Variants in TSBP1 observed in about 807,000 individuals in gnomAD.
TSBP1 encodes testis-expressed basic protein 1.
In TSBP1, 56 loss-of-function variants were observed where a neutral mutation model predicts 68.8. That is an observed-to-expected ratio of 0.81 (90% CI 0.66 to 1.02). TSBP1 has a LOEUF of 1.02. TSBP1 is among the 50% of genes least tolerant of loss of function. The pLI is 0.00. For missense variants in TSBP1, 502 were observed against 641.2 expected (o/e 0.78, Z 2.34); for synonymous variants, 171 against 208.7 (o/e 0.82, Z 1.56).
At position 32,330,053 on chromosome 6, in the gene TSBP1, C is replaced by T. The variant is rs143668433; in HGVS notation, c.514+536G>A. On this transcript the variant is annotated intron_variant, in intron 16 of 22. Transcript: ENST00000612031. The stretch of plus-strand genomic sequence containing the variant: ...TCGTGCGTGTGTGTGCGCGCGCGCA[C>T]GTGTGTTGGGGATGTTTGGAGATAG... 4.0e-3 allele frequency among the ~76,000 whole-genome samples: 609 copies of T among 152,012 alleles called. 3 individuals carry two copies. The highest frequency in any genetic ancestry group is 0.013 in the African/African-American group (556 of 41,446).
chr6:32,297,905 A>G (rs7739069), intron 22 of TSBP1, among the ~76,000 whole-genome samples: 38,018 of 152,080 alleles, frequency 0.25, 5,125 homozygotes, highest in African/African-American at 0.33. Flanking sequence ...TTTTTTAAAA[A>G]AAATAGAAAA....
intron 6 of TSBP1, among the ~76,000 whole-genome samples, chr6:32,363,715 TTA>T (rs1428336724): frequency 1.3e-5 from 2 of 152,062 alleles, no homozygotes; most frequent in African/African-American, 4.8e-5. Context: ...CATTAACAAA[TTA>T]TATACTTTTA....
intron 9 of TSBP1, among the ~76,000 whole-genome samples, chr6:32,349,253 C>A (rs953372131): frequency 3.9e-4 from 59 of 150,112 alleles, no homozygotes; most frequent in African/African-American, 1.4e-3. Context: ...ACCAGGAACG[C>A]CTGGGAGCAC....
Position 32,357,246 on chromosome 6 carries a change from T to C in TSBP1, c.218-1577A>G, listed in dbSNP as rs1772454869. On this transcript the variant is annotated intron_variant, in intron 6 of 22. Transcript: ENST00000612031. The surrounding 1 kb of genome is among the most constrained non-coding windows in gnomAD (Gnocchi z 4.7). ...TAAAATGTTTACTGATTCAAGTTTT[T>C]CCTTAAGAATGCAAGGGAGCCCAGA... Among the ~76,000 whole-genome samples the C allele has an allele frequency of 6.6e-6, 1 of 152,208 alleles. No individual in the cohort carries two copies. The highest frequency in any genetic ancestry group is 1.5e-5 in the Non-Finnish European group (1 of 68,038).
chr6:32,368,588 TC>T (rs1368016660), intron 3 of TSBP1, among the ~76,000 whole-genome samples, 193 bp downstream of exon 3: 1 of 152,072 alleles, frequency 6.6e-6, no homozygotes, highest in Non-Finnish European at 1.5e-5. Context: ...TCTCCCCAAC[TC>T]CAGTTTGGCA....
rs1303976838 is a variant in TSBP1 at position 32,316,900 on chromosome 6, C to T, written c.560-1108G>A. Among the ~76,000 whole-genome samples, 3 of 152,042 alleles carry T rather than the reference C, an allele frequency of 2.0e-5. No homozygotes were observed. Among genetic ancestry groups the T allele is most frequent in the Non-Finnish European group, 4.4e-5 (3 of 68,020 alleles). On this transcript the variant is annotated intron_variant, in intron 18 of 22. Transcript: ENST00000612031. This position sits in a 1 kb window ranked among gnomAD's most constrained non-coding sequence, Gnocchi z 4.5. The stretch of plus-strand genomic sequence containing the variant: ...GATCACGAGGTCAGGAGATCAAGAC[C>T]ATCCTGGCGAACACTGTGATGTTCT...
intron 4 of TSBP1, chr6:32,366,530 G>A (rs1350951220): frequency 3.6e-5 from 18 of 502,062 alleles, no homozygotes; most frequent in East Asian, 1.5e-4. Flanking sequence ...TTGGGAGGCC[G>A]AGGCGGGTGG....
At chr6:32,313,048 T>C (rs1766568712) in intron 19 of TSBP1, among the ~76,000 whole-genome samples, 1 of 152,230 alleles carries the variant, frequency 6.6e-6, no homozygotes, top group Non-Finnish European at 1.5e-5. Flanking sequence ...TATTAAGGAC[T>C]GCAGGGCCCG....
intron 8 of TSBP1, among the ~76,000 whole-genome samples, chr6:32,353,533 CTA>C (rs1338461064): frequency 6.6e-6 from 1 of 151,762 alleles, no homozygotes; most frequent in Admixed American, 6.6e-5. Flanking sequence ...CAATGAAATC[CTA>C]ATATGACTCA....
At chr6:32,331,076 G>T (rs1768961787) in intron 15 of TSBP1, among the ~76,000 whole-genome samples, 1 of 152,216 alleles carries the variant, frequency 6.6e-6, no homozygotes, top group Non-Finnish European at 1.5e-5. Flanking sequence ...CACTGCTGCT[G>T]TACTCTAGCC....
chr6:32,354,098 G>A (rs1048586316), intron 8 of TSBP1, among the ~76,000 whole-genome samples: 4 of 151,918 alleles, frequency 2.6e-5, no homozygotes, highest in African/African-American at 9.7e-5. Flanking sequence ...TGTGGTGTTG[G>A]GGGAGAGTGA....
At chr6:32,369,482 TG>T (rs1774147351) in intron 2 of TSBP1, among the ~76,000 whole-genome samples, 1 of 151,476 alleles carries the variant, frequency 6.6e-6, no homozygotes, top group African/African-American at 2.4e-5. Flanking sequence ...ACAATTCTCC[TG>T]CCTCAGTCTC....
chr6:32,324,737 T>C, intron 16 of TSBP1: 1 of 1,535,826 alleles, frequency 6.5e-7, no homozygotes, highest in Non-Finnish European at 8.8e-7. Flanking sequence ...TTCCTACTCA[T>C]TTTTTTTTCT....
chr6:32,366,599 T>G (rs969505669), intron 4 of TSBP1, among the ~76,000 whole-genome samples: 45 of 150,226 alleles, frequency 3.0e-4, no homozygotes, highest in African/African-American at 1.1e-3. Context: ...CCGTCTCTAC[T>G]AAAAACACAC....
chr6:32,296,004 C>A (rs1027630796), intron 22 of TSBP1, among the ~76,000 whole-genome samples: 1 of 152,082 alleles, frequency 6.6e-6, no homozygotes, highest in Non-Finnish European at 1.5e-5. Context: ...GCCACCACAC[C>A]CGGCTAATTT....
At chr6:32,356,874 TAAG>T (rs908459972) in intron 6 of TSBP1, 1 of 154,384 alleles carries the variant, frequency 6.5e-6, no homozygotes, top group Admixed American at 6.5e-5. Context: ...AGAAAAATAC[TAAG>T]AATAAATTTA....
chr6:32,331,997 GC>G, intron 15 of TSBP1, 36 bp downstream of exon 16: 1 of 1,505,504 alleles, frequency 6.6e-7, no homozygotes, highest in Non-Finnish European at 9.2e-7. Context: ...ATAGTAAGAA[GC>G]CAGTAGAGAT....
chr6:32,346,513 G>A (rs1323664918), intron 9 of TSBP1, among the ~76,000 whole-genome samples: 2 of 151,844 alleles, frequency 1.3e-5, no homozygotes, highest in Non-Finnish European at 2.9e-5. Context: ...TTTCTTCACC[G>A]TCTTGCTTTA....
chr6:32,366,481 G>T (rs9268370), intron 4 of TSBP1, 179 bp from the exon 5 acceptor site: 280,248 of 718,510 alleles, frequency 0.39, 58,171 homozygotes, highest in Middle Eastern at 0.55. Context: ...TAAGTTTATC[G>T]GGCCGGGCGT....
Sources: allele counts gnomAD v4.1 joint callset (sites outside exome capture counted in the v4.1 genomes callset), GRCh38; gene constraint gnomAD v4.1.1; non-coding constraint Gnocchi (gnomAD v3.1); transcripts MANE v1.5; gene names NCBI Gene and HGNC (gene_info 2026-07-23, HGNC 2026-07-21).